ACYP2: variants seen among roughly 807,000 people sequenced by gnomAD.
ACYP2 encodes acylphosphatase 2, also known as acylphosphatase-2.
A neutral mutation model predicts 11.2 loss-of-function variants in ACYP2; 12 were observed. That is an observed-to-expected ratio of 1.08 (90% confidence interval 0.69 to 1.74). ACYP2 has a LOEUF of 1.74. Among genes scored for constraint, ACYP2 ranks in the 40% most tolerant of loss-of-function variants. ACYP2 has a pLI of 0.00. For missense variants in ACYP2, 134 were observed against 101.9 expected (o/e 1.31, Z -1.35); for synonymous variants, 43 against 32.2 (o/e 1.33, Z -1.13).
At chr2:54,271,180 T>G (rs1688281333) in intron 6 of ACYP2, among the ~76,000 whole-genome samples, 1 of 152,114 alleles carries the variant, frequency 6.6e-6, no homozygotes, top group Admixed American at 6.5e-5. Context: ...CTAAGACTGA[T>G]CCCCTCCTTG....
intron 6 of ACYP2, among the ~76,000 whole-genome samples, chr2:54,180,616 A>G (rs922274616): frequency 2.6e-5 from 4 of 152,150 alleles, no homozygotes; most frequent in Admixed American, 6.5e-5. Flanking sequence ...GTGTGGTGGC[A>G]TGATCATGGC....
intron 6 of ACYP2, among the ~76,000 whole-genome samples, chr2:54,269,700 C>G (rs528350541): frequency 1.3e-5 from 2 of 152,140 alleles, no homozygotes; most frequent in Non-Finnish European, 2.9e-5. Context: ...GCTCTCATCT[C>G]TATGTTGAAA....
At chr2:54,060,985 A>G (rs1027919502) in intron 4 of ACYP2, among the ~76,000 whole-genome samples, 2 of 152,164 alleles carry the variant, frequency 1.3e-5, no homozygotes, top group Non-Finnish European at 2.9e-5. Flanking sequence ...GAGAAGACAA[A>G]CACATTTAAT....
chr2:54,093,777 A>G (rs1031701891), intron 4 of ACYP2, among the ~76,000 whole-genome samples: 5 of 152,040 alleles, frequency 3.3e-5, no homozygotes, highest in African/African-American at 1.2e-4. Flanking sequence ...CGTCTCTACT[A>G]AAAATACAAA....
intron 6 of ACYP2, among the ~76,000 whole-genome samples, chr2:54,232,611 G>C (rs1465947236): frequency 6.6e-6 from 1 of 152,154 alleles, no homozygotes; most frequent in African/African-American, 2.4e-5. Context: ...CTGTTATAAA[G>C]AGCTGCTTGA....
chr2:53,975,392 G>T (rs1671421440), intron 2 of ACYP2: 1 of 396,930 alleles, frequency 2.5e-6, no homozygotes, highest in South Asian at 1.3e-4. Context: ...ATGCTTCCCA[G>T]TGAGAAAGTT....
At chr2:54,115,621 C>T (rs775775367) in intron 4 of ACYP2, 12 of 1,563,652 alleles carry the variant, frequency 7.7e-6, no homozygotes, top group East Asian at 4.8e-5. Flanking sequence ...TCCCATGTGT[C>T]CCCTCCCTCT....
At chr2:54,108,296 C>A (rs2287645) in intron 4 of ACYP2, among the ~76,000 whole-genome samples, 47,507 of 151,970 alleles carry the variant, frequency 0.31, 7,857 homozygotes, top group African/African-American at 0.45. Flanking sequence ...CCTACAGAAA[C>A]AGAAAGTCCA....
At chr2:54,047,520 C>T (rs1166615728) in intron 2 of ACYP2, among the ~76,000 whole-genome samples, 4 of 152,056 alleles carry the variant, frequency 2.6e-5, no homozygotes, top group Admixed American at 2.6e-4. Context: ...ATCACCAGAC[C>T]CATTTTACTA....
intron 4 of ACYP2, among the ~76,000 whole-genome samples, chr2:54,066,987 T>C (rs1676784884): frequency 6.6e-6 from 1 of 152,258 alleles, no homozygotes; most frequent in Non-Finnish European, 1.5e-5. Context: ...TGAATTTTAC[T>C]ACTATTTGTG....
chr2:54,193,397 G>A (rs1396884841), intron 6 of ACYP2, among the ~76,000 whole-genome samples: 1 of 152,166 alleles, frequency 6.6e-6, no homozygotes, highest in African/African-American at 2.4e-5. Context: ...TTTAGGGAGA[G>A]TGAAATAACT....
intron 6 of ACYP2, among the ~76,000 whole-genome samples, chr2:54,258,469 G>T (rs1350749208): frequency 6.6e-6 from 1 of 152,198 alleles, no homozygotes; most frequent in Non-Finnish European, 1.5e-5. Context: ...GCTAGATCAA[G>T]TAGGGTCTTG....
chr2:54,038,354 T>G (rs1359502381), intron 2 of ACYP2, among the ~76,000 whole-genome samples: 1 of 151,650 alleles, frequency 6.6e-6, no homozygotes, highest in African/African-American at 2.4e-5. Flanking sequence ...ATACTCTTTG[T>G]TTTTTTTGCA....
intron 4 of ACYP2, among the ~76,000 whole-genome samples, chr2:54,095,655 G>C (rs1474528586): frequency 7.4e-5 from 10 of 135,690 alleles, no homozygotes; most frequent in African/African-American, 2.5e-4. Flanking sequence ...CTGGCCGCGC[G>C]GGGGGCTGAC....
chr2:54,202,232 C>T (rs909141220), intron 6 of ACYP2, among the ~76,000 whole-genome samples: 6 of 152,056 alleles, frequency 3.9e-5, no homozygotes, highest in African/African-American at 1.4e-4. Flanking sequence ...CCTTGGCATC[C>T]CAAGTAGCTG....
At chr2:54,281,446 C>T (rs138778837) in intron 6 of ACYP2, among the ~76,000 whole-genome samples, 7 of 152,240 alleles carry the variant, frequency 4.6e-5, no homozygotes, top group African/African-American at 1.7e-4. Context: ...AGTTACTAGC[C>T]TACATGATGA....
chr2:54,060,828 T>C (rs1424875273), intron 4 of ACYP2, among the ~76,000 whole-genome samples: 1 of 152,160 alleles, frequency 6.6e-6, no homozygotes, highest in Non-Finnish European at 1.5e-5. Flanking sequence ...GAAAACAGAT[T>C]TTAGCTTCTT....
chr2:54,140,726 A>G (rs1251273134), intron 6 of ACYP2, among the ~76,000 whole-genome samples: 4 of 152,106 alleles, frequency 2.6e-5, no homozygotes, highest in Non-Finnish European at 5.9e-5. Context: ...ATATTCCACA[A>G]TATATAGATT....
intron 2 of ACYP2, among the ~76,000 whole-genome samples, chr2:54,006,942 T>C (rs546573855): frequency 6.6e-6 from 1 of 151,894 alleles, no homozygotes; most frequent in East Asian, 2.0e-4. Context: ...CTGGCCAATA[T>C]GGAGAAACCC....
Sources: allele counts gnomAD v4.1 joint callset (sites outside exome capture counted in the v4.1 genomes callset), GRCh38; gene constraint gnomAD v4.1.1; transcripts MANE v1.5; gene names NCBI Gene and HGNC (gene_info 2026-07-23, HGNC 2026-07-21).